REPS1: variants seen among roughly 807,000 people sequenced by gnomAD.
REPS1 encodes the protein RALBP1 associated Eps domain containing 1.
In REPS1, 39 loss-of-function variants were observed where a neutral mutation model predicts 100.9. The observed-to-expected ratio is 0.39, with a 90% CI of 0.30 to 0.50. REPS1 has a LOEUF of 0.50. Ranked by LOEUF, REPS1 falls within the 20% of genes least tolerant of loss-of-function variation. The pLI is 0.86. For missense variants in REPS1, 821 were observed against 968.5 expected, an observed-to-expected ratio of 0.85 and a Z score of 2.02; for synonymous variants, 324 against 340.3, an observed-to-expected ratio of 0.95 and a Z score of 0.53.
In REPS1 at chr6:138,921,752, A is replaced by G. The variant is rs536741006; in HGVS notation, c.1339-628T>C. Among the ~76,000 whole-genome samples, 18 of 151,664 alleles carry G rather than the reference A, an allele frequency of 1.2e-4. No individual in the cohort carries two copies. In the South Asian group the frequency reaches 1.9e-3, roughly 16 times the overall value. ...GCCACCATGCCCGGCTAATTTTTAT[A>G]TTTTTAGTAGAGACAGGGTTTCGCT... On this transcript the variant is annotated intron_variant, in intron 10 of 19. Coordinates refer to ENST00000450536, the MANE Select transcript of REPS1 (RefSeq NM_001286611.2).
rs1779502348 is a variant in REPS1, at chr6:138,904,188, C to CAAA, written c.*875_*876insTTT. ...ATTTAATATTAAACAAAATCTAAAA[C>CAAA]AGCATATTGTCCTGAATAAGGCATA... On this transcript the variant is annotated 3_prime_UTR_variant, in exon 20 of 20. Transcript: ENST00000450536. 1 of 152,076 alleles carries CAAA rather than the reference C, an allele frequency of 6.6e-6. No homozygotes were observed. The allele number at this position is 152,076 out of a possible 1,614,324, so 9.4% of individuals were successfully genotyped here. A position where few individuals can be genotyped will look rare whatever the true frequency, so the allele number is the denominator to read the frequency against.
chr6:138,952,828 G>GTTTTTTTTTTTTTTT (rs750091781), intron 1 of REPS1, among the ~76,000 whole-genome samples: 1 of 145,338 alleles, frequency 6.9e-6, no homozygotes, highest in Non-Finnish European at 1.5e-5. Context: ...ATAGTTTTTT[G>GTTTTTTTTTTTTTTT]TTTTTGTTTT....
At chr6:138,907,297 TAA>T (rs1554282171) in intron 19 of REPS1, 196 bp downstream of exon 19, 239 of 169,766 alleles carry the variant, frequency 1.4e-3, no homozygotes, top group Middle Eastern at 5.4e-3. Flanking sequence ...CGTGTCTCTT[TAA>T]AAAAAAAAAA....
chr6:138,924,675 G>T (rs1780986784), intron 10 of REPS1, among the ~76,000 whole-genome samples: 1 of 152,124 alleles, frequency 6.6e-6, no homozygotes, highest in Non-Finnish European at 1.5e-5. Flanking sequence ...GTACAATAAT[G>T]AGACAGGAAT....
chr6:138,907,452 T>C (rs766101257), intron 19 of REPS1, 43 bp downstream of exon 19: 2 of 1,383,030 alleles, frequency 1.4e-6, no homozygotes, highest in Admixed American at 3.4e-5. Context: ...TAGGTTTCTT[T>C]ACTAAGATAA....
Position 138,926,027 on chromosome 6 carries a change from T to C in REPS1, c.1338+374A>G, listed in dbSNP as rs114933349. Among the ~76,000 whole-genome samples the C allele has an allele frequency of 3.2e-3, 480 of 152,322 alleles. 4 individuals carry two copies. The highest frequency in any genetic ancestry group is 0.011 in the African/African-American group (448 of 41,574). On this transcript the variant is annotated intron_variant, in intron 10 of 19. Coordinates refer to ENST00000450536, the MANE Select transcript of REPS1 (RefSeq NM_001286611.2). Reference sequence around the variant, plus strand: ...GACATTGCATAAATAGTTACATATGTAGGACATATTACATGATGTGTAAGC... The same window carrying C: ...GACATTGCATAAATAGTTACATATGCAGGACATATTACATGATGTGTAAGC...
chr6:138,904,341 G>T lies in REPS1; in HGVS notation c.*723C>A, dbSNP rs1298760644. 6.6e-6 allele frequency: 1 copy of T among 152,146 alleles called. No individual in the cohort carries two copies. The highest frequency in any genetic ancestry group is 1.5e-5 in the Non-Finnish European group (1 of 68,018). 9.4% of individuals were successfully genotyped at this position (152,146 alleles called of 1,614,324 possible). ...CTGGGAATAACTGATATCCTCAGAA[G>T]TTTTAAAACAATACTTAAAAAAATT... On this transcript the variant is annotated 3_prime_UTR_variant, in exon 20 of 20. Transcript: ENST00000450536.
chr6:138,975,197 C>T (rs953902105), intron 1 of REPS1, among the ~76,000 whole-genome samples: 3 of 152,104 alleles, frequency 2.0e-5, no homozygotes, highest in African/African-American at 7.2e-5. Context: ...ATCTTCTCCC[C>T]AAACCCCCTA....
At chr6:138,977,286 A>G (rs563309414) in intron 1 of REPS1, among the ~76,000 whole-genome samples, 1 of 152,344 alleles carries the variant, frequency 6.6e-6, no homozygotes, top group Admixed American at 6.5e-5. Context: ...TAGACAGTCC[A>G]TATAAATGTA....
chr6:138,986,019 C>T (rs1213982778), intron 1 of REPS1, among the ~76,000 whole-genome samples: 1 of 152,150 alleles, frequency 6.6e-6, no homozygotes, highest in African/African-American at 2.4e-5. Context: ...CATGTTCTGA[C>T]CAGATCTCTA....
chr6:138,984,039 C>CACGTTT (rs1239564494), intron 1 of REPS1, among the ~76,000 whole-genome samples: 1 of 151,712 alleles, frequency 6.6e-6, no homozygotes, highest in Admixed American at 6.6e-5. Context: ...CCAGGCCTAT[C>CACGTTT]ACGTTTACCT....
rs148064974 is a variant in REPS1 at position 138,983,111 on chromosome 6, T to C, written c.153+4419A>G. ...GAGAAGGTAAGAGCTGGGACGTGAA[T>C]AATAGTAAGGGAGAGATACGAATAT... On this transcript the variant is annotated intron_variant, in intron 1 of 19. Transcript: ENST00000450536. 8.9e-4 allele frequency among the ~76,000 whole-genome samples: 135 copies of C among 152,252 alleles called. 2 individuals carry two copies. In the East Asian group the frequency reaches 0.022, roughly 25 times the overall value.
Position 138,904,323 on chromosome 6 carries a change from T to TA in REPS1, c.*740dup, listed in dbSNP as rs1210158917. On this transcript the variant is annotated 3_prime_UTR_variant, in exon 20 of 20. Coordinates refer to ENST00000450536, the MANE Select transcript of REPS1 (RefSeq NM_001286611.2). ...AAGGAATTTCCCTTTATTCTGGGAA[T>TA]AACTGATATCCTCAGAAGTTTTAAA... 2.6e-5 allele frequency: 4 copies of TA among 152,204 alleles called. No individual in the cohort carries two copies. Among genetic ancestry groups the TA allele is most frequent in the Non-Finnish European group, 1.5e-5 (1 of 68,030 alleles). The allele number at this position is 152,204 out of a possible 1,614,324, so 9.4% of individuals were successfully genotyped here.
intron 4 of REPS1, 30 bp downstream of exon 4, chr6:138,945,189 T>C: frequency 6.4e-7 from 1 of 1,566,092 alleles, no homozygotes; most frequent in Non-Finnish European, 8.7e-7. Context: ...GGCAACACAA[T>C]GACACTCTAA....
intron 8 of REPS1, among the ~76,000 whole-genome samples, chr6:138,937,698 A>C (rs1320592533): frequency 6.6e-6 from 1 of 152,212 alleles, no homozygotes; most frequent in Non-Finnish European, 1.5e-5. Context: ...GCTGAGTTGC[A>C]CATGTGAGCA....
At chr6:138,920,112 T>C in intron 12 of REPS1, 103 bp downstream of exon 12, 2 of 671,406 alleles carry the variant, frequency 3.0e-6, no homozygotes, top group Non-Finnish European at 5.4e-6. Context: ...TCTCCTCTAC[T>C]TTATCTAGTG....
chr6:138,948,981 C>A (rs1364916021), intron 1 of REPS1, among the ~76,000 whole-genome samples: 1 of 152,174 alleles, frequency 6.6e-6, no homozygotes, highest in Non-Finnish European at 1.5e-5. Flanking sequence ...GCATGTCCTT[C>A]TGAAGAAATG....
intron 1 of REPS1, among the ~76,000 whole-genome samples, chr6:138,976,787 A>C (rs558351167): frequency 6.6e-6 from 1 of 152,350 alleles, no homozygotes; most frequent in African/African-American, 2.4e-5. Context: ...CCTGTCACAC[A>C]GAACAGTGAA....
chr6:138,927,908 A>C (rs549057430), intron 9 of REPS1: 1 of 152,330 alleles, frequency 6.6e-6, no homozygotes, highest in South Asian at 2.1e-4. Context: ...TTAAAATCCT[A>C]ATTAACTAAC....
Sources: gnomAD v4.1 joint callset for allele counts (sites outside exome capture counted in the v4.1 genomes callset) on GRCh38, gnomAD v4.1.1 for gene constraint, MANE v1.5 for transcripts, NCBI Gene and HGNC (gene_info 2026-07-23, HGNC 2026-07-21) for gene names.